PPP2R2D: variants seen among roughly 807,000 people sequenced by gnomAD.
PPP2R2D encodes serine/threonine-protein phosphatase 2A 55 kDa regulatory subunit B delta isoform.
A neutral mutation model predicts 31.1 loss-of-function variants in PPP2R2D; 9 were observed. That is an observed-to-expected ratio of 0.29 (90% CI 0.17 to 0.51). The LOEUF is 0.51. Among genes scored for constraint, PPP2R2D ranks in the 20% least tolerant of loss-of-function variants. PPP2R2D has a pLI of 0.98. For missense variants in PPP2R2D, 391 were observed against 465.6 expected (o/e 0.84, Z 1.48); for synonymous variants, 179 against 172.6 (o/e 1.04, Z -0.29).
chr10:131,923,024 G>T (rs2036024125), intron 2 of PPP2R2D, among the ~76,000 whole-genome samples: 1 of 152,106 alleles, frequency 6.6e-6, no homozygotes, highest in South Asian at 2.1e-4. Context: ...GTAATTCATT[G>T]AGCACAGAGC....
At chr10:131,954,968 A>C (rs781830196) in intron 8 of PPP2R2D, among the ~76,000 whole-genome samples, 17 of 152,156 alleles carry the variant, frequency 1.1e-4, no homozygotes, top group Non-Finnish European at 1.9e-4. Context: ...TCATTCAGCT[A>C]TTTTTCTGTC....
the PPP2R2D span, among the ~76,000 whole-genome samples, chr10:131,966,251 A>G: frequency 6.6e-6 from 1 of 152,242 alleles, no homozygotes; most frequent in African/African-American, 2.4e-5. Flanking sequence ...AGTAAATATC[A>G]GGTAAATAGT....
At chr10:131,951,008 G>A (rs1337421725) in intron 8 of PPP2R2D, among the ~76,000 whole-genome samples, 1 of 152,220 alleles carries the variant, frequency 6.6e-6, no homozygotes, top group Non-Finnish European at 1.5e-5. Flanking sequence ...CAGAATAGGT[G>A]CAGAATTAGT....
intron 2 of PPP2R2D, among the ~76,000 whole-genome samples, chr10:131,932,861 G>A (rs948058697): frequency 1.3e-5 from 2 of 151,984 alleles, no homozygotes; most frequent in African/African-American, 4.8e-5. Flanking sequence ...AGGTTCACGC[G>A]TGTTTGTGTA....
rs183072445 is a variant in PPP2R2D, at chr10:131,919,439, G to A, written c.101-15019G>A. Among the ~76,000 whole-genome samples, 154 of 129,760 alleles carry A rather than the reference G, an allele frequency of 1.2e-3. 22 individuals are homozygous for A. The highest frequency in any genetic ancestry group is 4.0e-3 in the African/African-American group (136 of 34,234). 85.1% of individuals were successfully genotyped at this position (129,760 alleles called of 152,430 possible). ...CACAGTCTTTGTAGGGACCTCAGGC[G>A]GGTGGAATGACACAGTGTAGGGATC... is the stretch of plus-strand genomic sequence containing the variant. On this transcript the variant is annotated intron_variant, in intron 2 of 8. Coordinates refer to ENST00000455566, the MANE Select transcript of PPP2R2D (RefSeq NM_018461.5).
chr10:131,907,611 C>T (rs1431061975), intron 2 of PPP2R2D, among the ~76,000 whole-genome samples: 1 of 152,034 alleles, frequency 6.6e-6, no homozygotes, highest in Non-Finnish European at 1.5e-5. Context: ...GGTGTGGTCG[C>T]GGGCACCTGT....
At chr10:131,904,490 A>G (rs1439212240) in intron 2 of PPP2R2D, among the ~76,000 whole-genome samples, 5 of 152,118 alleles carry the variant, frequency 3.3e-5, no homozygotes, top group Admixed American at 1.3e-4. Flanking sequence ...AGCCTGGGCG[A>G]CAGAGCAAGA....
chr10:131,968,566 G>A, the PPP2R2D span: 94 of 1,599,062 alleles, frequency 5.9e-5, no homozygotes, highest in Non-Finnish European at 7.5e-5. Context: ...TTCCAATATA[G>A]ATCCTTCACA....
chr10:131,953,260 C>A (rs1554899300), intron 8 of PPP2R2D, among the ~76,000 whole-genome samples: 1 of 94,454 alleles, frequency 1.1e-5, no homozygotes, highest in Non-Finnish European at 2.0e-5. Context: ...CGGGGGGGTC[C>A]CTGTCTTAGC....
chr10:131,968,403 A>G, the PPP2R2D span: 1 of 809,906 alleles, frequency 1.2e-6, no homozygotes, highest in South Asian at 1.5e-5. Flanking sequence ...GGAACGCAGC[A>G]TTTACAGAAC....
chr10:131,961,482 C>A (rs6560695), downstream of PPP2R2D, among the ~76,000 whole-genome samples: 43,291 of 152,072 alleles, frequency 0.28, 6,285 homozygotes, highest in East Asian at 0.45. Flanking sequence ...CCACCCTGGC[C>A]ATGGGTCACA....
intron 8 of PPP2R2D, among the ~76,000 whole-genome samples, chr10:131,948,343 G>T (rs1296768774): frequency 6.6e-6 from 1 of 151,936 alleles, no homozygotes; most frequent in Non-Finnish European, 1.5e-5. Flanking sequence ...TGAGAGTTAC[G>T]TTTTTTTTAT....
chr10:131,954,574 A>G (rs192663307), intron 8 of PPP2R2D, among the ~76,000 whole-genome samples: 1 of 151,246 alleles, frequency 6.6e-6, no homozygotes, highest in Admixed American at 6.6e-5. Flanking sequence ...GGATGGAAGC[A>G]GGAGATGGGA....
rs2036873005 is a variant in PPP2R2D at position 131,958,908 on chromosome 10, C to T, written c.*2945C>T. ...GAGATGAAGGCGTGTGCTGATCCCCCATCCCCCTGTGGAGATAAAGGTGTG... is the reference window on the plus strand; with the variant it reads ...GAGATGAAGGCGTGTGCTGATCCCCTATCCCCCTGTGGAGATAAAGGTGTG... On this transcript the variant is annotated 3_prime_UTR_variant, in exon 9 of 9. Transcript: ENST00000455566. The T allele has an allele frequency of 7.5e-6, 1 of 133,708 alleles. No individual in the cohort carries two copies. Among genetic ancestry groups the T allele is most frequent in the Admixed American group, 8.6e-5 (1 of 11,628 alleles). 8.3% of individuals were successfully genotyped at this position (133,708 alleles called of 1,614,324 possible).
At chr10:131,929,963 G>A (rs1036638853) in intron 2 of PPP2R2D, among the ~76,000 whole-genome samples, 4 of 152,112 alleles carry the variant, frequency 2.6e-5, no homozygotes, top group African/African-American at 4.8e-5. Context: ...GTTTCGAACC[G>A]TCAGTGCCAA....
intron 2 of PPP2R2D, among the ~76,000 whole-genome samples, chr10:131,927,675 GCATCGCA>G (rs1554895130): frequency 6.6e-6 from 1 of 152,164 alleles, no homozygotes; most frequent in Non-Finnish European, 1.5e-5. Context: ...ACCCCAGCTG[GCATCGCA>G]CATCGGACAC....
At chr10:131,960,680 T>C (rs1272437287), downstream of PPP2R2D, among the ~76,000 whole-genome samples, 3 of 152,180 alleles carry the variant, frequency 2.0e-5, no homozygotes, top group Non-Finnish European at 4.4e-5. Flanking sequence ...CTGCTCTGCA[T>C]CACCCCTTTG....
chr10:131,956,334 CT>C lies in PPP2R2D; in HGVS notation c.*374del. The C allele has an allele frequency of 1.0e-6, 1 of 991,684 alleles. No individual in the cohort carries two copies. The allele number at this position is 991,684 out of a possible 1,614,324, so 61.4% of individuals were successfully genotyped here. On this transcript the variant is annotated 3_prime_UTR_variant, in exon 9 of 9. Coordinates refer to ENST00000455566, the MANE Select transcript of PPP2R2D (RefSeq NM_018461.5). Reference sequence around the variant, plus strand: ...TACCGCTCTTTCTCCAACTTTCCCTCTTTCTCTGCCATCACACTTGGGCCTT... The same window carrying C: ...TACCGCTCTTTCTCCAACTTTCCCTCTTCTCTGCCATCACACTTGGGCCTT...
At chr10:131,921,629 A>G (rs1554894264) in intron 2 of PPP2R2D, among the ~76,000 whole-genome samples, 1 of 152,228 alleles carries the variant, frequency 6.6e-6, no homozygotes, top group African/African-American at 2.4e-5. Context: ...GTGAGGATTC[A>G]AAACAGCATG....
Sources: gnomAD v4.1 joint callset for allele counts (sites outside exome capture counted in the v4.1 genomes callset) on GRCh38, gnomAD v4.1.1 for gene constraint, MANE v1.5 for transcripts, NCBI Gene and HGNC (gene_info 2026-07-23, HGNC 2026-07-21) for gene names.